Variants in BTBD7 observed in about 807,000 individuals in gnomAD.
The protein encoded by BTBD7 is BTB domain containing 7, also known as BTB/POZ domain-containing protein 7.
A neutral mutation model predicts 99.9 loss-of-function variants in BTBD7; 38 were observed. The observed-to-expected ratio is 0.38, with a 90% confidence interval of 0.29 to 0.50. The LOEUF is 0.50. Ranked by LOEUF, BTBD7 falls within the 20% of genes least tolerant of loss-of-function variation. The pLI, the probability that BTBD7 is intolerant of heterozygous loss-of-function variation, is 0.93. For synonymous variants in BTBD7, 520 were observed against 511.4 expected (o/e 1.02, Z -0.23); for missense variants, 1,170 against 1,394.6 (o/e 0.84, Z 2.57).
intron 3 of BTBD7, among the ~76,000 whole-genome samples, chr14:93,290,215 A>ATT (rs565702489): frequency 8.9e-5 from 12 of 134,370 alleles, no homozygotes; most frequent in Admixed American, 1.5e-4. Context: ...CTGCCTTTTA[A>ATT]TTTTTTTTTT....
chr14:93,282,443 C>T (rs1359165596), intron 3 of BTBD7, among the ~76,000 whole-genome samples: 1 of 151,840 alleles, frequency 6.6e-6, no homozygotes, highest in Non-Finnish European at 1.5e-5. Flanking sequence ...AGCGATTCTC[C>T]TGCCTCAGAC....
chr14:93,316,859 T>C, intron 1 of BTBD7, among the ~76,000 whole-genome samples: 1 of 152,096 alleles, frequency 6.6e-6, no homozygotes, highest in East Asian at 1.9e-4. Flanking sequence ...ATTTGATCCT[T>C]AGTACTAGAT....
At chr14:93,255,167 A>T (rs1383284076) in intron 6 of BTBD7, among the ~76,000 whole-genome samples, 3 of 152,060 alleles carry the variant, frequency 2.0e-5, no homozygotes, top group Admixed American at 6.5e-5. Context: ...CTTTTTTGAG[A>T]CAGGGTCTCA....
At chr14:93,264,021 G>A (rs1243298615) in intron 3 of BTBD7, 28 bp from the exon 4 acceptor site, 2 of 1,577,404 alleles carry the variant, frequency 1.3e-6, no homozygotes, top group East Asian at 2.2e-5. Flanking sequence ...TACTTCTTGA[G>A]ATTAATCATA....
chr14:93,255,887 G>T (rs1363841036), intron 6 of BTBD7: 1 of 152,190 alleles, frequency 6.6e-6, no homozygotes, highest in Non-Finnish European at 1.5e-5. Context: ...TGAAAAAATG[G>T]TAACTGTTTC....
intron 3 of BTBD7, among the ~76,000 whole-genome samples, chr14:93,283,920 C>G (rs150843091): frequency 1.3e-3 from 199 of 152,280 alleles, no homozygotes; most frequent in Non-Finnish European, 2.5e-3. Context: ...CAAAGAAATA[C>G]TGGCAACTCC....
rs888063090 is a variant in BTBD7 at position 93,239,491 on chromosome 14, A to G, written c.*2782T>C. 5 of 150,976 alleles carry G rather than the reference A, an allele frequency of 3.3e-5. No homozygotes were observed. The highest frequency in any genetic ancestry group is 1.2e-4 in the African/African-American group (5 of 40,876). The allele number at this position is 150,976 out of a possible 1,614,324, so 9.4% of individuals were successfully genotyped here. On this transcript the variant is annotated 3_prime_UTR_variant, in exon 11 of 11. Coordinates refer to ENST00000334746, the MANE Select transcript of BTBD7 (RefSeq NM_001002860.4). ...GAGAGCAACCTTACTCAGACTTCAC[A>G]TTTATCTTAGTACAGCATTAAAAAA...
At chr14:93,292,148 T>C (rs571744013) in intron 3 of BTBD7, among the ~76,000 whole-genome samples, 2 of 152,148 alleles carry the variant, frequency 1.3e-5, no homozygotes, top group East Asian at 1.9e-4. Flanking sequence ...AATTGCGCCA[T>C]TGCACTCCAG....
chr14:93,268,523 T>C (rs1396562691), intron 3 of BTBD7, among the ~76,000 whole-genome samples: 1 of 152,202 alleles, frequency 6.6e-6, no homozygotes, highest in Non-Finnish European at 1.5e-5. Flanking sequence ...TCAGGCTCTG[T>C]GTTAACTGCT....
chr14:93,315,973 T>C (rs1192118863), intron 1 of BTBD7, among the ~76,000 whole-genome samples: 2 of 148,170 alleles, frequency 1.3e-5, no homozygotes, highest in Non-Finnish European at 3.0e-5. Context: ...TTTTTTGAGA[T>C]GGAGTTTTGC....
chr14:93,332,191 C>G (rs927192775), intron 1 of BTBD7: 4 of 152,210 alleles, frequency 2.6e-5, no homozygotes, highest in Non-Finnish European at 5.9e-5. Flanking sequence ...CACTTTTTGC[C>G]ATTCAAGTAG....
chr14:93,275,911 T>A (rs1032768537), intron 3 of BTBD7, among the ~76,000 whole-genome samples: 1 of 152,220 alleles, frequency 6.6e-6, no homozygotes, highest in Non-Finnish European at 1.5e-5. Flanking sequence ...CTTTCAAGTC[T>A]CTGTCCGTTT....
At chr14:93,260,185 G>A (rs2052472371) in intron 5 of BTBD7, among the ~76,000 whole-genome samples, 1 of 152,002 alleles carries the variant, frequency 6.6e-6, no homozygotes, top group Admixed American at 6.6e-5. Flanking sequence ...TTAAAAATGT[G>A]ACAAAACAAC....
chr14:93,276,557 C>A (rs909808317), intron 3 of BTBD7, among the ~76,000 whole-genome samples: 3 of 152,150 alleles, frequency 2.0e-5, no homozygotes, highest in Admixed American at 6.6e-5. Context: ...AAGTTCTTTT[C>A]CTTAGTACTC....
intron 1 of BTBD7, among the ~76,000 whole-genome samples, chr14:93,323,564 T>C (rs147457157): frequency 6.6e-6 from 1 of 152,340 alleles, no homozygotes; most frequent in African/African-American, 2.4e-5. Flanking sequence ...AAGACAAGAA[T>C]AGGTCTCATG....
At chr14:93,324,396 T>C (rs2053303719) in intron 1 of BTBD7, among the ~76,000 whole-genome samples, 1 of 141,096 alleles carries the variant, frequency 7.1e-6, no homozygotes, top group Non-Finnish European at 1.5e-5. Flanking sequence ...CACTCCAGCC[T>C]GGGTGACAGA....
chr14:93,314,057 T>G (rs1423037927), intron 1 of BTBD7, among the ~76,000 whole-genome samples: 1 of 152,156 alleles, frequency 6.6e-6, no homozygotes, highest in African/African-American at 2.4e-5. Context: ...GAAACTATAT[T>G]CTTAGTGTTC....
At chr14:93,305,172 G>A (rs1295897077) in intron 1 of BTBD7, among the ~76,000 whole-genome samples, 1 of 152,038 alleles carries the variant, frequency 6.6e-6, no homozygotes, top group Non-Finnish European at 1.5e-5. Context: ...TATGAGGGTG[G>A]GGGACCCATT....
intron 10 of BTBD7, among the ~76,000 whole-genome samples, chr14:93,245,256 T>C (rs2052291134): frequency 6.6e-6 from 1 of 152,152 alleles, no homozygotes; most frequent in Non-Finnish European, 1.5e-5. Context: ...TACTACCTAC[T>C]AGCCCTGGCT....
Sources: gnomAD v4.1 joint callset for allele counts (sites outside exome capture counted in the v4.1 genomes callset) on GRCh38, gnomAD v4.1.1 for gene constraint, MANE v1.5 for transcripts, NCBI Gene and HGNC (gene_info 2026-07-23, HGNC 2026-07-21) for gene names.